Variants in DDB2 observed in about 807,000 individuals in gnomAD.
The protein encoded by DDB2 is DNA damage-binding protein 2.
DDB2 carries 27 observed loss-of-function variants against 50.5 expected under a neutral mutation model. The observed-to-expected ratio is 0.53, with a 90% confidence interval of 0.39 to 0.74. The LOEUF (loss-of-function observed/expected upper bound fraction) is 0.74, where lower values mean the gene tolerates loss of function less well. DDB2 is among the 30% of genes least tolerant of loss of function. The pLI is 0.00. For synonymous variants in DDB2, 176 were observed against 205.5 expected (o/e 0.86, Z 1.23); for missense variants, 424 against 545.6 (o/e 0.78, Z 2.22).
At chr11:47,231,862 G>A (rs1953654599) in intron 3 of DDB2, among the ~76,000 whole-genome samples, 1 of 152,192 alleles carries the variant, frequency 6.6e-6, no homozygotes, top group Admixed American at 6.5e-5. Flanking sequence ...TCAGCCAGGG[G>A]CTGGGGGCGA....
In DDB2 at chr11:47,215,102, C is replaced by G. The variant is rs1386695873; in HGVS notation, c.-35C>G. ...CTCAATCCTCCCTCCATGATCTTCG[C>G]ATAGAGCACAGTACCCCTTCACACG... On this transcript the variant is annotated 5_prime_UTR_variant, in exon 1 of 10. Transcript: ENST00000256996. 2 of 1,613,940 alleles carry G rather than the reference C, an allele frequency of 1.2e-6. No individual in the cohort carries two copies. The highest frequency in any genetic ancestry group is 2.2e-5 in the East Asian group (1 of 44,854).
intron 6 of DDB2, 46 bp downstream of exon 6, chr11:47,234,980 G>T: frequency 1.2e-6 from 2 of 1,603,018 alleles, no homozygotes; most frequent in South Asian, 2.2e-5. Flanking sequence ...CTGCCTGTCT[G>T]ACCACTGCTG....
At chr11:47,235,209 C>T in intron 6 of DDB2, 61 bp from the exon 7 acceptor site, 1 of 1,611,310 alleles carries the variant, frequency 6.2e-7, no homozygotes, top group South Asian at 1.1e-5. Context: ...AGAAGGCCTG[C>T]AAGGCCAGGA....
At chr11:47,237,587 C>T (rs1243617310) in intron 7 of DDB2, 45 of 433,050 alleles carry the variant, frequency 1.0e-4, no homozygotes, top group Non-Finnish European at 8.2e-5. Flanking sequence ...TGTACCACCA[C>T]GCCCAGCTAA....
At chr11:47,216,561 C>G in intron 2 of DDB2, 89 bp downstream of exon 2, 1 of 1,573,396 alleles carries the variant, frequency 6.4e-7, no homozygotes, top group African/African-American at 1.3e-5. Context: ...GCTTGGTTCA[C>G]CAGCTTGTCA....
At chr11:47,235,731 T>C in intron 7 of DDB2, 1 of 394,338 alleles carries the variant, frequency 2.5e-6, no homozygotes, top group Non-Finnish European at 4.6e-6. Context: ...CTGTGTACAG[T>C]TGACCCACAA....
chr11:47,216,686 C>G (rs1198050289), intron 2 of DDB2, among the ~76,000 whole-genome samples, 172 bp from the exon 3 acceptor site: 1 of 152,096 alleles, frequency 6.6e-6, no homozygotes, highest in Non-Finnish European at 1.5e-5. Flanking sequence ...TTTTGCTTTC[C>G]AAGATTATTC....
chr11:47,234,101 T>A (rs1953688823), intron 4 of DDB2, among the ~76,000 whole-genome samples: 1 of 152,162 alleles, frequency 6.6e-6, no homozygotes, highest in African/African-American at 2.4e-5. Flanking sequence ...CTCCTGGTTG[T>A]GTTTTTTCCC....
chr11:47,232,134 A>G (rs1953657865), intron 3 of DDB2, among the ~76,000 whole-genome samples: 1 of 152,146 alleles, frequency 6.6e-6, no homozygotes, highest in Non-Finnish European at 1.5e-5. Flanking sequence ...ACCTGAGGGC[A>G]GGAGTTCCAG....
Position 47,237,808 on chromosome 11 carries a change from C to T in DDB2, c.1024-29C>T, listed in dbSNP as rs374206520. On this transcript the variant is annotated intron_variant, in intron 7 of 9. Coordinates refer to ENST00000256996, the MANE Select transcript of DDB2 (RefSeq NM_000107.3). ...CCCCCTTGATCATGTTCTGTGTTTA[C>T]CCTCATGGCCGGCCTCTCCATCTCC... 2.5e-6 allele frequency: 4 copies of T among 1,612,680 alleles called. No homozygotes were observed. In the African/African-American group the frequency reaches 5.3e-5, roughly 22 times the overall value.
intron 3 of DDB2, among the ~76,000 whole-genome samples, chr11:47,231,393 T>TA (rs1419904051): frequency 7.2e-5 from 11 of 152,260 alleles, no homozygotes; most frequent in African/African-American, 2.6e-4. Flanking sequence ...ACCTCAGCAA[T>TA]AAAATGAGAT....
intron 3 of DDB2, among the ~76,000 whole-genome samples, chr11:47,219,108 C>A (rs1283908939): frequency 1.3e-5 from 2 of 152,154 alleles, no homozygotes; most frequent in Admixed American, 1.3e-4. Flanking sequence ...CCACGCCTGG[C>A]TAATTTTTGT....
At chr11:47,214,873 G>C, upstream of DDB2, 2 of 522,484 alleles carry the variant, frequency 3.8e-6, no homozygotes, top group South Asian at 4.1e-5. Context: ...CGCCCCTCCC[G>C]GGAGCGCTGG....
chr11:47,226,904 G>C (rs1271747600), intron 3 of DDB2, among the ~76,000 whole-genome samples: 1 of 151,506 alleles, frequency 6.6e-6, no homozygotes, highest in South Asian at 2.1e-4. Context: ...ATCATACCTT[G>C]CTAACTTTGT....
At chr11:47,234,535 T>A in intron 4 of DDB2, 38 bp from the exon 5 acceptor site, 1 of 1,565,060 alleles carries the variant, frequency 6.4e-7, no homozygotes, top group Non-Finnish European at 8.8e-7. Flanking sequence ...GGACTATCTC[T>A]GTCCCCAAGA....
chr11:47,233,768 G>A (rs1953683264), intron 4 of DDB2, among the ~76,000 whole-genome samples: 1 of 151,912 alleles, frequency 6.6e-6, no homozygotes, highest in African/African-American at 2.4e-5. Context: ...CTAGAGCCGT[G>A]ACTCTGACTG....
chr11:47,225,490 G>A (rs1173665083), intron 3 of DDB2, among the ~76,000 whole-genome samples: 2 of 151,780 alleles, frequency 1.3e-5, no homozygotes, highest in African/African-American at 2.4e-5. Context: ...TACTGGGGAG[G>A]CTGAGGCAGG....
intron 6 of DDB2, 118 bp from the exon 7 acceptor site, chr11:47,235,152 T>A (rs1565156679): frequency 6.8e-6 from 10 of 1,474,496 alleles, no homozygotes; most frequent in Non-Finnish European, 7.6e-6. Context: ...ACCTCTTCCT[T>A]TCCGCTCCTG....
chr11:47,234,991 G>C, intron 6 of DDB2, 57 bp downstream of exon 6: 2 of 1,593,822 alleles, frequency 1.3e-6, no homozygotes, highest in Non-Finnish European at 1.7e-6. Context: ...ACCACTGCTG[G>C]GGTTTTCCCT....
Sources: gnomAD v4.1 joint callset for allele counts (sites outside exome capture counted in the v4.1 genomes callset) on GRCh38, gnomAD v4.1.1 for gene constraint, MANE v1.5 for transcripts, NCBI Gene and HGNC (gene_info 2026-07-23, HGNC 2026-07-21) for gene names.